PCDH19: variants seen among roughly 807,000 people sequenced by gnomAD.
The protein encoded by PCDH19 is protocadherin-19.
In PCDH19, 6 loss-of-function variants were observed where a neutral mutation model predicts 46.2. The observed-to-expected ratio is 0.13, with a 90% CI of 0.07 to 0.26. PCDH19 has a LOEUF of 0.26. PCDH19 is among the 10% of genes least tolerant of loss of function. The probability of loss-of-function intolerance (pLI) is 1.00; values close to 1 mark genes in which losing one functional copy is unlikely to be tolerated. For synonymous variants in PCDH19, 481 were observed against 415.7 expected (o/e 1.16, Z -1.91); for missense variants, 740 against 972.3 (o/e 0.76, Z 3.18).
chrX:100,316,305 C>T (rs1457024059), intron 5 of PCDH19, among the ~76,000 whole-genome samples: 1 of 112,182 alleles, frequency 8.9e-6, no homozygotes, highest in Non-Finnish European at 1.9e-5. Context: ...GTAATAGGAA[C>T]GAATATCATT....
At chrX:100,301,211 G>C (rs1402781072) in intron 5 of PCDH19, among the ~76,000 whole-genome samples, 1 of 111,453 alleles carries the variant, frequency 9.0e-6, no homozygotes, top group African/African-American at 3.3e-5. Flanking sequence ...ATCATTTCAG[G>C]CTTTGCTAAA....
intron 5 of PCDH19, among the ~76,000 whole-genome samples, chrX:100,322,865 A>ATATATATATATATATATATTTTTTTTTTT: frequency 2.6e-4 from 14 of 54,378 alleles, no homozygotes; most frequent in African/African-American, 6.7e-4. Context: ...ATATATATAT[A>ATATATATATATATATATATTTTTTTTTTT]TTTTTGCAGC....
chrX:100,322,866 T>TATATATATATATATATATATATATATA (rs1491391280), intron 5 of PCDH19, among the ~76,000 whole-genome samples: 1 of 36,868 alleles, frequency 2.7e-5, no homozygotes, highest in African/African-American at 1.1e-4. Flanking sequence ...TATATATATA[T>TATATATATATATATATATATATATATA]TTTTGCAGCT....
chrX:100,395,077 C>T (rs1329553187), intron 3 of PCDH19, among the ~76,000 whole-genome samples: 12 of 109,576 alleles, frequency 1.1e-4, no homozygotes, highest in Non-Finnish European at 2.1e-4. Context: ...TTAGTAGAGA[C>T]GGGGTTTCAC....
chrX:100,373,151 GGC>G (rs1927274118), intron 3 of PCDH19, among the ~76,000 whole-genome samples: 1 of 112,404 alleles, frequency 8.9e-6, no homozygotes. Context: ...TGGGACTACA[GGC>G]GCGTGCCACC....
intron 5 of PCDH19, among the ~76,000 whole-genome samples, 156 bp from the exon 6 acceptor site, chrX:100,297,031 G>A (rs1447829683): frequency 1.8e-5 from 2 of 111,208 alleles, no homozygotes; most frequent in African/African-American, 6.6e-5. Flanking sequence ...GTGAAGAACT[G>A]GATTTTTTTA....
chrX:100,348,065 C>CA (rs1177957771), intron 4 of PCDH19, among the ~76,000 whole-genome samples: 1,866 of 40,376 alleles, frequency 0.046, 93 homozygotes, highest in African/African-American at 0.15. Context: ...GATTCCGTCT[C>CA]AAAAAAAAAA....
At chrX:100,348,065 C>CAAAAAAAAAAAAAAAAAA (rs1177957771) in intron 4 of PCDH19, among the ~76,000 whole-genome samples, 4 of 40,588 alleles carry the variant, frequency 9.9e-5, no homozygotes, top group Non-Finnish European at 1.2e-4. Flanking sequence ...GATTCCGTCT[C>CAAAAAAAAAAAAAAAAAA]AAAAAAAAAA....
chrX:100,307,221 C>T (rs1569287304), intron 5 of PCDH19, among the ~76,000 whole-genome samples: 1 of 111,822 alleles, frequency 8.9e-6, no homozygotes, highest in Non-Finnish European at 1.9e-5. Flanking sequence ...GGGTTTCATA[C>T]CAGGCATGCA....
At chrX:100,304,989 G>C (rs1924896444) in intron 5 of PCDH19, among the ~76,000 whole-genome samples, 1 of 112,326 alleles carries the variant, frequency 8.9e-6, no homozygotes, top group South Asian at 3.7e-4. Flanking sequence ...TAAAAGGTTG[G>C]AAAACACATC....
chrX:100,350,835 G>A, intron 3 of PCDH19, 131 bp from the exon 4 acceptor site: 3 of 501,942 alleles, frequency 6.0e-6, no homozygotes, highest in Non-Finnish European at 1.1e-5. Flanking sequence ...AGGCCACAGT[G>A]CAGCAGCAGC....
At chrX:100,320,992 G>A (rs185454321) in intron 5 of PCDH19, among the ~76,000 whole-genome samples, 1 of 106,433 alleles carries the variant, frequency 9.4e-6, no homozygotes, top group East Asian at 3.0e-4. Flanking sequence ...ACACCTTTGC[G>A]TCCTCATAGC....
chrX:100,342,138 A>G, intron 4 of PCDH19, 63 bp from the exon 5 acceptor site: 1 of 1,048,430 alleles, frequency 9.5e-7, no homozygotes, highest in East Asian at 3.0e-5. Flanking sequence ...AATCTTTCTG[A>G]GCCAGGATGA....
At chrX:100,332,508 C>A (rs1226459884) in intron 5 of PCDH19, among the ~76,000 whole-genome samples, 1 of 105,101 alleles carries the variant, frequency 9.5e-6, no homozygotes, top group Admixed American at 1.0e-4. Context: ...GAGCAAAACC[C>A]CGTCTCAAAA....
intron 3 of PCDH19, among the ~76,000 whole-genome samples, chrX:100,399,440 T>C (rs1928115645): frequency 8.9e-6 from 1 of 112,080 alleles, no homozygotes. Context: ...GTGCATTTCT[T>C]GTCTTTTTCA....
At chrX:100,334,817 T>C (rs920965035) in intron 5 of PCDH19, among the ~76,000 whole-genome samples, 1 of 99,023 alleles carries the variant, frequency 1.0e-5, no homozygotes, top group African/African-American at 3.6e-5. Flanking sequence ...TATATATACA[T>C]ATAGATATAC....
rs3222341 is a variant in PCDH19, at chrX:100,313,857, TCACACACACACACACA to T, written c.2849-16998_2849-16983del. On this transcript the variant is annotated intron_variant, in intron 5 of 5. Coordinates refer to ENST00000373034, the MANE Select transcript of PCDH19 (RefSeq NM_001184880.2). ...AATTCAAAGAGCCCTCTGCTGTTAA[TCACACACACACACACA>T]CACACACACACACACACACACACAC... Among the ~76,000 whole-genome samples, 14 of 76,290 alleles carry T rather than the reference TCACACACACACACACA, an allele frequency of 1.8e-4. No homozygotes were observed. The East Asian group carries it at 2.2e-3, about 12-fold the overall frequency. The allele number at this position is 76,290 out of a possible 115,157, so 66.2% of individuals were successfully genotyped here.
intron 5 of PCDH19, among the ~76,000 whole-genome samples, chrX:100,304,715 G>A (rs1350680382): frequency 8.9e-6 from 1 of 111,753 alleles, no homozygotes; most frequent in Non-Finnish European, 1.9e-5. Flanking sequence ...GAAATAGATA[G>A]CATAAACAAA....
Position 100,380,634 on chromosome X carries a change from T to C in PCDH19, c.2616+21890A>G, listed in dbSNP as rs188988107. Among the ~76,000 whole-genome samples, 3 of 112,135 alleles carry C rather than the reference T, an allele frequency of 2.7e-5. No individual in the cohort carries two copies. In the East Asian group the frequency reaches 8.4e-4, roughly 31 times the overall value. On this transcript the variant is annotated intron_variant, in intron 3 of 5. Coordinates refer to ENST00000373034, the MANE Select transcript of PCDH19 (RefSeq NM_001184880.2). The stretch of plus-strand genomic sequence containing the variant: ...TGAAATAACCCTTAAGAAAGCATTT[T>C]GAAACACTTCCTCCAAAGTCTCTGT...
Sources: allele counts gnomAD v4.1 joint callset (sites outside exome capture counted in the v4.1 genomes callset), GRCh38; gene constraint gnomAD v4.1.1; transcripts MANE v1.5; gene names NCBI Gene and HGNC (gene_info 2026-07-23, HGNC 2026-07-21).